The following ALDH5A1 variants were observed in gnomAD, a reference collection of about 807,000 sequenced individuals.
ALDH5A1 encodes the protein aldehyde dehydrogenase 5 family member A1, also known as succinate-semialdehyde dehydrogenase, mitochondrial.
ALDH5A1 carries 33 observed loss-of-function variants against 54.7 expected under a neutral mutation model. That is an observed-to-expected ratio of 0.60 (90% CI 0.46 to 0.81). ALDH5A1 has a LOEUF of 0.81. Among genes scored for constraint, ALDH5A1 ranks in the 30% least tolerant of loss-of-function variants. The pLI is 0.00. For synonymous variants in ALDH5A1, 294 were observed against 292.7 expected, an observed-to-expected ratio of 1.00 and a Z score of -0.05; for missense variants, 657 against 711.0, an observed-to-expected ratio of 0.92 and a Z score of 0.86.
chr6:24,514,080 A>C (rs541594643), intron 4 of ALDH5A1, among the ~76,000 whole-genome samples: 3 of 152,370 alleles, frequency 2.0e-5, no homozygotes, highest in African/African-American at 7.2e-5. Context: ...GGAATCCAGA[A>C]ATTAAAATAA....
chr6:24,528,425 C>T (rs964046282), intron 8 of ALDH5A1, among the ~76,000 whole-genome samples: 3 of 151,884 alleles, frequency 2.0e-5, no homozygotes, highest in South Asian at 2.1e-4. Flanking sequence ...TGCAATGGTG[C>T]GATCTTGGCT....
chr6:24,515,048 G>C (rs1033260744), intron 4 of ALDH5A1, 119 bp from the exon 5 acceptor site: 9 of 1,073,690 alleles, frequency 8.4e-6, no homozygotes, highest in Middle Eastern at 3.0e-4. Flanking sequence ...CCCAGTGTCA[G>C]CTTAATTTTT....
At chr6:24,523,653 G>A (rs951025053) in intron 7 of ALDH5A1, among the ~76,000 whole-genome samples, 45 of 152,190 alleles carry the variant, frequency 3.0e-4, no homozygotes, top group Admixed American at 7.9e-4. Context: ...AACACCTATG[G>A]AATGGAAGAC....
intron 4 of ALDH5A1, among the ~76,000 whole-genome samples, chr6:24,510,564 CTG>C (rs1384484561): frequency 6.6e-6 from 1 of 152,138 alleles, no homozygotes; most frequent in Non-Finnish European, 1.5e-5. Context: ...ATGTCCCTCT[CTG>C]TCTTTTTTAA....
chr6:24,520,752 C>T (rs1759667568), intron 6 of ALDH5A1, among the ~76,000 whole-genome samples: 1 of 152,060 alleles, frequency 6.6e-6, no homozygotes, highest in African/African-American at 2.4e-5. Context: ...TTGACTCTTT[C>T]AGCAAATATT....
At chr6:24,526,998 A>G (rs1759825029) in intron 7 of ALDH5A1, among the ~76,000 whole-genome samples, 1 of 114,230 alleles carries the variant, frequency 8.8e-6, no homozygotes, top group African/African-American at 3.3e-5. Flanking sequence ...ATATATATAT[A>G]TATATATATA....
chr6:24,512,203 G>A (rs372482483), intron 4 of ALDH5A1, among the ~76,000 whole-genome samples: 96 of 152,326 alleles, frequency 6.3e-4, no homozygotes, highest in African/African-American at 2.1e-3. Flanking sequence ...TCTCTCAGCC[G>A]TAGATACCAG....
chr6:24,499,976 C>CTGTG (rs111245798), intron 1 of ALDH5A1, among the ~76,000 whole-genome samples: 20 of 151,264 alleles, frequency 1.3e-4, no homozygotes, highest in African/African-American at 3.4e-4. Flanking sequence ...CAGATAATTT[C>CTGTG]TGTGTGTGTG....
At chr6:24,496,433 C>T (rs1440778921) in intron 1 of ALDH5A1, among the ~76,000 whole-genome samples, 1 of 152,202 alleles carries the variant, frequency 6.6e-6, no homozygotes, top group Non-Finnish European at 1.5e-5. Context: ...AACAGTGTGA[C>T]CAGGCATATT....
At chr6:24,516,762 C>CA (rs1236353184) in intron 5 of ALDH5A1, among the ~76,000 whole-genome samples, 91 of 143,962 alleles carry the variant, frequency 6.3e-4, no homozygotes, top group East Asian at 4.3e-3. Flanking sequence ...CCTGTCTCTA[C>CA]AAAAAAAAAA....
intron 9 of ALDH5A1, among the ~76,000 whole-genome samples, chr6:24,533,298 TAGTG>T (rs1759970645): frequency 6.6e-6 from 1 of 151,942 alleles, no homozygotes; most frequent in Admixed American, 6.6e-5. Context: ...CGATAGGAGA[TAGTG>T]AGAGTAGAAT....
chr6:24,526,034 G>T (rs143672634), intron 7 of ALDH5A1, among the ~76,000 whole-genome samples: 108 of 152,232 alleles, frequency 7.1e-4, no homozygotes, highest in African/African-American at 2.5e-3. Context: ...GGGCTCTCTC[G>T]ACTTTGCCTT....
intron 1 of ALDH5A1, among the ~76,000 whole-genome samples, chr6:24,496,392 G>C (rs769043351): frequency 6.6e-6 from 1 of 152,200 alleles, no homozygotes; most frequent in Non-Finnish European, 1.5e-5. Flanking sequence ...GAGAGGATCC[G>C]GGCCAGAGGG....
intron 4 of ALDH5A1, among the ~76,000 whole-genome samples, chr6:24,510,420 A>G (rs1032696295): frequency 2.6e-5 from 4 of 151,972 alleles, no homozygotes; most frequent in Admixed American, 6.6e-5. Context: ...CCCCATTATT[A>G]TTGTGTTGCT....
chr6:24,516,433 T>C (rs1759574010), intron 5 of ALDH5A1, among the ~76,000 whole-genome samples: 1 of 88,172 alleles, frequency 1.1e-5, no homozygotes. Context: ...AGAGTGAGAC[T>C]CTGTCTCAAA....
rs779798309 is a variant in ALDH5A1, at chr6:24,495,075, C to G, written c.79C>G (p.Arg27Gly). 17 of 1,323,684 alleles carry G rather than the reference C, an allele frequency of 1.3e-5. No individual in the cohort carries two copies. In the African/African-American group the frequency reaches 2.3e-4, roughly 18 times the overall value. The allele number at this position is 1,323,684 out of a possible 1,614,324, so 82.0% of individuals were successfully genotyped here. Residue 27 changes from arginine (R) to glycine (G), a missense_variant, in exon 1 of 10, where the codon CGC becomes GGC. By Grantham distance (125) the Arg-to-Gly change is moderately radical. Transcript: ENST00000357578. ...STFPGCRLRP[R>G]AGGLVPASGP... ...GTTTCCAGGCTGCCGCCTCCGCCCC[C>G]GCGCCGGCGGCCTGGTCCCTGCCTC...
chr6:24,503,341 C>A lies in ALDH5A1; in HGVS notation c.517C>A (p.Arg173Ser), dbSNP rs759155182. 6.2e-7 allele frequency: 1 copy of A among 1,614,070 alleles called. No individual in the cohort carries two copies. The change falls in exon 3 of 10, where the codon CGT becomes AGT. Residue 173 changes from arginine to serine, a missense_variant. Physicochemically the swap from Arg to Ser is moderately radical, Grantham distance 110 (BLOSUM62 -1). Transcript: ENST00000357578. ...FLEWFSEEAR[R>S]VYGDIIHTPA... The stretch of plus-strand genomic sequence containing the variant: ...AGAGTGGTTCTCTGAGGAAGCCCGC[C>A]GTGTTTACGGAGACATTATCCACAC...
chr6:24,527,663 A>G (rs966979982), intron 7 of ALDH5A1, among the ~76,000 whole-genome samples: 1 of 152,234 alleles, frequency 6.6e-6, no homozygotes, highest in Non-Finnish European at 1.5e-5. Flanking sequence ...CATGGGATCC[A>G]AGAAGCTAGA....
chr6:24,530,418 G>A (rs1187026350), intron 8 of ALDH5A1, among the ~76,000 whole-genome samples: 1 of 152,108 alleles, frequency 6.6e-6, no homozygotes, highest in Non-Finnish European at 1.5e-5. Flanking sequence ...TATAGGTTGT[G>A]CTGCTTTATC....
Sources: allele counts gnomAD v4.1 joint callset (sites outside exome capture counted in the v4.1 genomes callset), GRCh38; gene constraint gnomAD v4.1.1; transcripts MANE v1.5; gene names NCBI Gene and HGNC (gene_info 2026-07-23, HGNC 2026-07-21).